The following SLC22A23 variants were observed in gnomAD, a reference collection of about 807,000 sequenced individuals.
SLC22A23 encodes the protein solute carrier family 22 member 23, also known as ion transporter protein.
In SLC22A23, 26 loss-of-function variants were observed where a neutral mutation model predicts 61.0. The ratio of observed to expected loss-of-function variants is 0.43; its 90% CI spans 0.31 to 0.59. SLC22A23 has a LOEUF of 0.59. Ranked by LOEUF, SLC22A23 falls within the 20% of genes least tolerant of loss-of-function variation. The probability of loss-of-function intolerance (pLI) is 0.11; values close to 1 mark genes in which losing one functional copy is unlikely to be tolerated. For missense variants in SLC22A23, 796 were observed against 934.7 expected (o/e 0.85, Z 1.94); for synonymous variants, 430 against 413.9 (o/e 1.04, Z -0.47).
intron 3 of SLC22A23, among the ~76,000 whole-genome samples, chr6:3,404,250 T>C (rs1464729918): frequency 6.6e-6 from 1 of 152,190 alleles, no homozygotes; most frequent in Admixed American, 6.5e-5. Context: ...CCAAAAGATA[T>C]ATGCACTGGA....
At chr6:3,285,975 C>T (rs893600539) in intron 7 of SLC22A23, among the ~76,000 whole-genome samples, 2 of 152,142 alleles carry the variant, frequency 1.3e-5, no homozygotes, top group Non-Finnish European at 2.9e-5. Flanking sequence ...CTGTTCACGT[C>T]GCGCCCTGGG....
At chr6:3,445,156 T>A in intron 1 of SLC22A23, 1 of 217,254 alleles carries the variant, frequency 4.6e-6, no homozygotes, top group Non-Finnish European at 7.8e-6. Context: ...CCATGACAAG[T>A]GGCAGAGTTG....
At chr6:3,395,370 G>A (rs1255051793) in intron 3 of SLC22A23, among the ~76,000 whole-genome samples, 4 of 152,094 alleles carry the variant, frequency 2.6e-5, no homozygotes. Flanking sequence ...AAACCCTACT[G>A]AGCCTGAGCG....
In SLC22A23 at chr6:3,322,296, C is replaced by T. The variant is rs1345600192; in HGVS notation, c.1082+1538G>A. Among the ~76,000 whole-genome samples, 3 of 152,194 alleles carry T rather than the reference C, an allele frequency of 2.0e-5. No homozygotes were observed. The highest frequency in any genetic ancestry group is 6.5e-5 in the Admixed American group (1 of 15,288). The stretch of plus-strand genomic sequence containing the variant: ...AGCATTTGTGAGATAAATCAGCACC[C>T]TTGAACTCCGAAACAGCTAAGCCCA... On this transcript the variant is annotated intron_variant, in intron 4 of 9. Transcript: ENST00000406686. The surrounding 1 kb of genome is among the most constrained non-coding windows in gnomAD (Gnocchi z 4.1).
intron 9 of SLC22A23, chr6:3,282,299 G>T: frequency 1.4e-6 from 1 of 702,592 alleles, no homozygotes; most frequent in South Asian, 1.5e-5. Context: ...ATAAGCTCCT[G>T]ACTCATCTCT....
At chr6:3,434,364 C>T (rs1363207011) in intron 1 of SLC22A23, among the ~76,000 whole-genome samples, 4 of 151,730 alleles carry the variant, frequency 2.6e-5, no homozygotes, top group East Asian at 3.9e-4. Flanking sequence ...GCCTGCAATC[C>T]TAGCACTTTG....
At chr6:3,449,683 G>A (rs1465309311) in intron 1 of SLC22A23, among the ~76,000 whole-genome samples, 1 of 152,230 alleles carries the variant, frequency 6.6e-6, no homozygotes, top group African/African-American at 2.4e-5. Context: ...GGGTCAGGGA[G>A]GGTGTAGGGA....
chr6:3,323,353 A>G (rs1351237876), intron 4 of SLC22A23: 3 of 456,660 alleles, frequency 6.6e-6, no homozygotes, highest in Non-Finnish European at 8.8e-6. Flanking sequence ...GTGTTCCAAT[A>G]AAACTTTATT....
At chr6:3,384,655 T>C (rs553216556) in intron 3 of SLC22A23, among the ~76,000 whole-genome samples, 7 of 152,366 alleles carry the variant, frequency 4.6e-5, no homozygotes, top group Admixed American at 3.9e-4. Context: ...TTAATGCTTA[T>C]GGTAAGTTAA....
Position 3,317,604 on chromosome 6 carries a change from C to T in SLC22A23, c.1082+6230G>A, listed in dbSNP as rs549799010. On this transcript the variant is annotated intron_variant, in intron 4 of 9. Coordinates refer to ENST00000406686, the MANE Select transcript of SLC22A23 (RefSeq NM_015482.2). This position sits in a 1 kb window ranked among gnomAD's most constrained non-coding sequence, Gnocchi z 4.4. ...TCGGTATGACTTCCTTCTAGATGAG[C>T]GCTAAATCCCTGCTGCTCTTTACCG... Among the ~76,000 whole-genome samples the T allele has an allele frequency of 6.6e-5, 10 of 152,296 alleles. No individual in the cohort carries two copies. The South Asian group carries it at 1.7e-3, about 25-fold the overall frequency.
intron 3 of SLC22A23, among the ~76,000 whole-genome samples, chr6:3,335,054 G>C (rs1028370390): frequency 1.3e-5 from 2 of 152,198 alleles, no homozygotes; most frequent in Non-Finnish European, 2.9e-5. Flanking sequence ...AGAACGTACA[G>C]CAGTTAAAAT....
chr6:3,295,753 G>A (rs772127440), intron 5 of SLC22A23, among the ~76,000 whole-genome samples: 4 of 152,170 alleles, frequency 2.6e-5, no homozygotes, highest in Non-Finnish European at 4.4e-5. Flanking sequence ...CCTGCCAATC[G>A]TGCTGCCATC....
intron 1 of SLC22A23, among the ~76,000 whole-genome samples, chr6:3,419,286 C>A (rs1445686916): frequency 6.6e-6 from 1 of 152,140 alleles, no homozygotes; most frequent in African/African-American, 2.4e-5. Flanking sequence ...TGCTCCATTG[C>A]CCCCACAGAC....
chr6:3,447,895 CTCTTTT>C (rs1234030673), intron 1 of SLC22A23, among the ~76,000 whole-genome samples: 53 of 78,116 alleles, frequency 6.8e-4, no homozygotes, highest in African/African-American at 3.1e-3. Flanking sequence ...GCCTCTCTCT[CTCTTTT>C]TTTTTTTTTT....
chr6:3,312,272 CCTT>C (rs1186266166), intron 4 of SLC22A23: 5 of 152,170 alleles, frequency 3.3e-5, no homozygotes, highest in Non-Finnish European at 5.9e-5. Flanking sequence ...GCTGGGTTAA[CCTT>C]CTCCCTCTGT....
At chr6:3,399,776 G>A (rs1443819174) in intron 3 of SLC22A23, among the ~76,000 whole-genome samples, 2 of 152,152 alleles carry the variant, frequency 1.3e-5, no homozygotes, top group Non-Finnish European at 2.9e-5. Flanking sequence ...TCAGGGAGTC[G>A]ATAGAAGAGC....
intron 9 of SLC22A23, chr6:3,282,363 A>G (rs1193123602): frequency 2.0e-5 from 14 of 699,722 alleles, no homozygotes; most frequent in Non-Finnish European, 3.4e-5. Flanking sequence ...GTGCTTAATC[A>G]TACAATGCCT....
chr6:3,395,612 A>C (rs764717635), intron 3 of SLC22A23, among the ~76,000 whole-genome samples: 1 of 152,250 alleles, frequency 6.6e-6, no homozygotes, highest in Non-Finnish European at 1.5e-5. Context: ...ATAGCGAATG[A>C]CTGAGGCTTG....
At chr6:3,300,730 A>G (rs9501984) in intron 4 of SLC22A23, among the ~76,000 whole-genome samples, 79,720 of 152,102 alleles carry the variant, frequency 0.52, 21,366 homozygotes, top group African/African-American at 0.62. Flanking sequence ...TGCCTCCTTC[A>G]TACCTATTTG....
Sources: allele counts gnomAD v4.1 joint callset (sites outside exome capture counted in the v4.1 genomes callset), GRCh38; gene constraint gnomAD v4.1.1; non-coding constraint Gnocchi (gnomAD v3.1); transcripts MANE v1.5; gene names NCBI Gene and HGNC (gene_info 2026-07-23, HGNC 2026-07-21).